The following ZNF814 variants were observed in gnomAD, a reference collection of about 807,000 sequenced individuals.
ZNF814 encodes the protein zinc finger protein 814.
Under a neutral mutation model 7.5 loss-of-function variants are expected in ZNF814, and 5 were observed. The ratio of observed to expected loss-of-function variants is 0.67; its 90% CI spans 0.35 to 1.40. The LOEUF (loss-of-function observed/expected upper bound fraction) is 1.40. Ranked by LOEUF, ZNF814 falls within the 40% of genes most tolerant of loss-of-function variation. The pLI is 0.04. For missense variants in ZNF814, 962 were observed against 1,018.0 expected (o/e 0.94, Z 0.75); for synonymous variants, 315 against 340.7 (o/e 0.92, Z 0.83).
Position 57,873,371 on chromosome 19 carries a change from A to G in ZNF814, c.2019T>C (p.Gly673=). 1 of 1,602,998 alleles carries G rather than the reference A, an allele frequency of 6.2e-7. No individual in the cohort carries two copies. Among genetic ancestry groups the G allele is most frequent in the Non-Finnish European group, 8.5e-7 (1 of 1,174,512 alleles). ...GGCCATGCTGGTGTAGAATGAGGTT[A>G]CCCTTGTGACTAAAACATTTCCCAC... is the stretch of plus-strand genomic sequence containing the variant. ...GECGKCFSHK[G]NLILHQHGHT... The change falls in exon 3 of 3, where the codon GGT becomes GGC. Residue 673 remains glycine (G), a synonymous_variant. Coordinates refer to ENST00000435989, the MANE Select transcript of ZNF814 (RefSeq NM_001144989.2).
Position 57,874,983 on chromosome 19 carries a change from T to A in ZNF814, c.407A>T (p.His136Leu), listed in dbSNP as rs1026706721. The A allele has an allele frequency of 1.2e-6, 2 of 1,612,644 alleles. No homozygotes were observed. The highest frequency in any genetic ancestry group is 2.2e-5 in the South Asian group (2 of 91,032). ...TCCAATGTGCTCATTCTGGTGCTGA[T>A]GAAAGTTTCCACTGTCATACAATTT... ...GNKLYDSGNFHQHQNEHIGEK... is the reference protein window; with the variant it reads ...GNKLYDSGNFLQHQNEHIGEK... The change falls in exon 3 of 3, where the codon CAT becomes CTT. Residue 136 changes from histidine (H) to leucine (L), a missense_variant. Physicochemically the swap from His to Leu is moderately conservative, Grantham distance 99 (BLOSUM62 -3). This residue lies in a region of ZNF814 where 65 missense variants were observed against 131.3 expected (regional missense o/e 0.50). Coordinates refer to ENST00000435989, the MANE Select transcript of ZNF814 (RefSeq NM_001144989.2).
intron 1 of ZNF814, among the ~76,000 whole-genome samples, chr19:57,877,349 C>T (rs1261795521): frequency 6.6e-6 from 1 of 152,184 alleles, no homozygotes; most frequent in Non-Finnish European, 1.5e-5. Context: ...ACACCTCATT[C>T]TTTAGACTTC....
chr19:57,889,027 C>G lies in ZNF814; in HGVS notation c.-225G>C. The G allele has an allele frequency of 1.8e-6, 1 of 550,976 alleles. No homozygotes were observed. Among genetic ancestry groups the G allele is most frequent in the Non-Finnish European group, 3.2e-6 (1 of 310,322 alleles). The allele number at this position is 550,976 out of a possible 1,614,324, so 34.1% of individuals were successfully genotyped here. A position where few individuals can be genotyped will look rare whatever the true frequency, so the allele number is the denominator to read the frequency against. On this transcript the variant is annotated 5_prime_UTR_variant, in exon 1 of 3. Coordinates refer to ENST00000435989, the MANE Select transcript of ZNF814 (RefSeq NM_001144989.2). ...GCCTCTCCTACAAATAAATCCAACA[C>G]CAATCAAAATGGCCGCCACCAGAGG... is the stretch of plus-strand genomic sequence containing the variant.
chr19:57,893,542 A>T (rs2071743298), upstream of ZNF814, among the ~76,000 whole-genome samples: 1 of 150,898 alleles, frequency 6.6e-6, no homozygotes, highest in African/African-American at 2.4e-5. Flanking sequence ...TTTGGGAGGC[A>T]GAGGCAGGTG....
At chr19:57,895,798 G>A in the ZNF814 span, among the ~76,000 whole-genome samples, 201 of 152,140 alleles carry the variant, frequency 1.3e-3, no homozygotes, top group Non-Finnish European at 2.3e-3. Flanking sequence ...CAGAAAGGGC[G>A]TCCCAATTCA....
the ZNF814 span, among the ~76,000 whole-genome samples, chr19:57,899,845 G>T: frequency 0.032 from 4,893 of 152,168 alleles, 282 homozygotes; most frequent in African/African-American, 0.11. Flanking sequence ...AGATCAAATT[G>T]CTGTACTAAT....
rs1197860317 is a variant in ZNF814 at position 57,888,957 on chromosome 19, C to T, written c.-155G>A. ...TGTGCAGCGGAGGACAACTGCTCCC[C>T]GACTTCTGGGTTCAGTCACCACAGT... On this transcript the variant is annotated 5_prime_UTR_variant, in exon 1 of 3. Transcript: ENST00000435989. 1 of 774,104 alleles carries T rather than the reference C, an allele frequency of 1.3e-6. No homozygotes were observed. The allele number at this position is 774,104 out of a possible 1,614,324, so 48.0% of individuals were successfully genotyped here. A position where few individuals can be genotyped will look rare whatever the true frequency, so the allele number is the denominator to read the frequency against.
At chr19:57,904,230 G>A in the ZNF814 span, among the ~76,000 whole-genome samples, 6 of 152,224 alleles carry the variant, frequency 3.9e-5, no homozygotes, top group East Asian at 3.9e-4. Context: ...TTGATGCACC[G>A]CTTTCTACCC....
At chr19:57,902,174 C>T in the ZNF814 span, among the ~76,000 whole-genome samples, 2 of 152,174 alleles carry the variant, frequency 1.3e-5, no homozygotes, top group East Asian at 3.9e-4. Context: ...CAGACAAACT[C>T]GAATGTAAAC....
intron 1 of ZNF814, among the ~76,000 whole-genome samples, chr19:57,883,594 G>T (rs141106713): frequency 0.034 from 5,102 of 151,122 alleles, 273 homozygotes; most frequent in African/African-American, 0.12. Flanking sequence ...CTGGGAGGCG[G>T]AGGCTGCACT....
chr19:57,885,856 C>T (rs2071687368), intron 1 of ZNF814: 1 of 150,412 alleles, frequency 6.6e-6, no homozygotes, highest in Admixed American at 6.6e-5. Context: ...TACATTAACC[C>T]TAGTATGATT....
At chr19:57,875,610 A>G (rs745931669) in intron 2 of ZNF814, among the ~76,000 whole-genome samples, 4 of 152,228 alleles carry the variant, frequency 2.6e-5, no homozygotes, top group Non-Finnish European at 4.4e-5. Flanking sequence ...TTAACAAAGT[A>G]TATATATTCG....
intron 1 of ZNF814, among the ~76,000 whole-genome samples, chr19:57,886,393 C>T (rs528388530): frequency 1.3e-5 from 2 of 152,248 alleles, no homozygotes; most frequent in South Asian, 4.1e-4. Flanking sequence ...TCCCAGGGCC[C>T]CACGGTGCTC....
upstream of ZNF814, among the ~76,000 whole-genome samples, chr19:57,889,242 T>C (rs975336984): frequency 5.9e-5 from 9 of 152,068 alleles, no homozygotes; most frequent in African/African-American, 1.2e-4. Flanking sequence ...ACCTCGGGAG[T>C]ATCCTTAAGA....
rs1484867161 is a variant in ZNF814 at position 57,872,982 on chromosome 19, C to G, written c.2408G>C (p.Ser803Thr). Reference protein sequence around the residue: ...VHTGEKPYECSECGKSFAESS... With the variant: ...VHTGEKPYECTECGKSFAESS... ...TTCAGCAAAAGATTTTCCACATTCA[C>G]TGCACTCATAAGGCTTTTCTCCAGT... is the stretch of plus-strand genomic sequence containing the variant. Residue 803 changes from serine (S) to threonine (T), a missense_variant, in exon 3 of 3, where the codon AGT becomes ACT. Coordinates refer to ENST00000435989, the MANE Select transcript of ZNF814 (RefSeq NM_001144989.2). The G allele has an allele frequency of 1.2e-6, 2 of 1,613,360 alleles. No individual in the cohort carries two copies. The highest frequency in any genetic ancestry group is 1.7e-6 in the Non-Finnish European group (2 of 1,179,822).
At position 57,872,821 on chromosome 19, in the gene ZNF814, C is replaced by T; in HGVS notation, c.*1G>A. ...TAAAAACTTTCTGACAATCCTCACA[C>T]TCATATGGCTTTTCTCCAGTGTGAA... On this transcript the variant is annotated 3_prime_UTR_variant, in exon 3 of 3. Transcript: ENST00000435989. 2 of 1,610,320 alleles carry T rather than the reference C, an allele frequency of 1.2e-6. No homozygotes were observed. The highest frequency in any genetic ancestry group is 1.7e-6 in the Non-Finnish European group (2 of 1,178,024).
rs545950399 is a variant in ZNF814, at chr19:57,889,023, A to G, written c.-221T>C. Reference sequence around the variant, plus strand: ...AGGAGCCTCTCCTACAAATAAATCCAACACCAATCAAAATGGCCGCCACCA... The same window carrying G: ...AGGAGCCTCTCCTACAAATAAATCCGACACCAATCAAAATGGCCGCCACCA... On this transcript the variant is annotated 5_prime_UTR_variant, in exon 1 of 3. Coordinates refer to ENST00000435989, the MANE Select transcript of ZNF814 (RefSeq NM_001144989.2). The G allele has an allele frequency of 1.3e-5, 7 of 553,324 alleles. No homozygotes were observed. Among genetic ancestry groups the G allele is most frequent in the Non-Finnish European group, 2.2e-5 (7 of 311,934 alleles). 34.3% of individuals were successfully genotyped at this position (553,324 alleles called of 1,614,324 possible).
At chr19:57,877,069 A>G in intron 1 of ZNF814, 27 bp from the exon 2 acceptor site, 1 of 1,613,038 alleles carries the variant, frequency 6.2e-7, no homozygotes, top group Non-Finnish European at 8.5e-7. Context: ...AGATGAAACT[A>G]CAAACTGCCC....
At position 57,888,876 on chromosome 19, in the gene ZNF814, TC is replaced by T. The variant is rs2071715714; in HGVS notation, c.-75del. ...GGAGATATGGGCACGACGGTCCGTA[TC>T]CTGGCCCAGGAGTGGGTCACGCTGG... On this transcript the variant is annotated 5_prime_UTR_variant, in exon 1 of 3. Transcript: ENST00000435989. The T allele has an allele frequency of 6.6e-7, 1 of 1,521,478 alleles. No individual in the cohort carries two copies. 94.2% of individuals were successfully genotyped at this position (1,521,478 alleles called of 1,614,324 possible). A position where few individuals can be genotyped will look rare whatever the true frequency, so the allele number is the denominator to read the frequency against.
Sources: gnomAD v4.1 joint callset for allele counts (sites outside exome capture counted in the v4.1 genomes callset) on GRCh38, gnomAD v4.1.1 for gene constraint, gnomAD v4.1.1 regional missense constraint, MANE v1.5 for transcripts, NCBI Gene and HGNC (gene_info 2026-07-23, HGNC 2026-07-21) for gene names.